NFKBID: variants seen among roughly 807,000 people sequenced by gnomAD.
NFKBID encodes the protein NFKB inhibitor delta.
NFKBID carries 26 observed loss-of-function variants against 53.4 expected under a neutral mutation model. The ratio of observed to expected loss-of-function variants is 0.49; its 90% CI spans 0.36 to 0.68. The LOEUF (loss-of-function observed/expected upper bound fraction) is 0.68. NFKBID is among the 30% of genes least tolerant of loss of function. NFKBID has a pLI of 0.00. For missense variants in NFKBID, 493 were observed against 614.1 expected (o/e 0.80, Z 2.08); for synonymous variants, 262 against 259.8 (o/e 1.01, Z -0.08).
chr19:35,897,008 G>A (rs754388655), exon 5 of NFKBID: 35 of 1,606,214 alleles, frequency 2.2e-5, no homozygotes, highest in Middle Eastern at 3.3e-4. Flanking sequence ...GGACCACAGC[G>A]GGGAACTGTG....
chr19:35,898,800 G>A (rs1975372846), exon 2 of NFKBID: 2 of 1,535,998 alleles, frequency 1.3e-6, no homozygotes, highest in Non-Finnish European at 1.7e-6. Flanking sequence ...GCGTTGGGCA[G>A]TGGCTGCGCT....
chr19:35,889,320 C>A (rs1974592323), intron 11 of NFKBID, among the ~76,000 whole-genome samples: 1 of 152,084 alleles, frequency 6.6e-6, no homozygotes, highest in Non-Finnish European at 1.5e-5. Context: ...CATGCCACTG[C>A]ACTCCAGCCT....
intron 9 of NFKBID, among the ~76,000 whole-genome samples, chr19:35,892,682 A>C (rs183927743): frequency 6.6e-6 from 1 of 152,168 alleles, no homozygotes; most frequent in Non-Finnish European, 1.5e-5. Context: ...CCTCAGAATG[A>C]CCTTCATTGT....
chr19:35,888,695 TAGAGA>T, intron 11 of NFKBID, 83 bp from the exon 12 acceptor site: 1 of 1,037,900 alleles, frequency 9.6e-7, no homozygotes, highest in Middle Eastern at 2.2e-4. Context: ...AGGGAGGGGC[TAGAGA>T]AGAGAGGTTG....
At chr19:35,900,024 A>T (rs1975461416) in intron 1 of NFKBID, among the ~76,000 whole-genome samples, 1 of 101,760 alleles carries the variant, frequency 9.8e-6, no homozygotes, top group Non-Finnish European at 1.9e-5. Context: ...CCCTGAGGCC[A>T]GGCTCCGGAC....
At chr19:35,895,026 A>G (rs7251879) in intron 9 of NFKBID, among the ~76,000 whole-genome samples, 26,156 of 151,970 alleles carry the variant, frequency 0.17, 4,980 homozygotes, top group African/African-American at 0.48. Context: ...TTGATTTCCC[A>G]TGCCTGTTTC....
chr19:35,891,452 T>A (rs1974754025), intron 9 of NFKBID, among the ~76,000 whole-genome samples: 1 of 152,226 alleles, frequency 6.6e-6, no homozygotes, highest in Non-Finnish European at 1.5e-5. Flanking sequence ...ATCTTGATTT[T>A]TTTTAATGAA....
rs1975132585 is a variant in NFKBID, at chr19:35,896,189, C to A, written c.883+29G>T. 6.2e-6 allele frequency: 10 copies of A among 1,614,012 alleles called. No individual in the cohort carries two copies. The highest frequency in any genetic ancestry group is 1.3e-5 in the African/African-American group (1 of 74,944). ...ACCCACCTCGCCCAGCCACACCAAC[C>A]ACACCAGCCCTGCCCACACCCAACT... On this transcript the variant is annotated intron_variant, in intron 8 of 11. Transcript: ENST00000641389. This position sits in a 1 kb window ranked among gnomAD's most constrained non-coding sequence, Gnocchi z 5.7.
At chr19:35,891,296 G>A (rs532300601) in intron 9 of NFKBID, among the ~76,000 whole-genome samples, 42 of 152,258 alleles carry the variant, frequency 2.8e-4, no homozygotes, top group Middle Eastern at 3.4e-3. Flanking sequence ...AGTTTGTAAC[G>A]ATAATGAATG....
Position 35,889,356 on chromosome 19 carries a change from AAAAT to A in NFKBID, c.1314+530_1314+533del, listed in dbSNP as rs570866977. ...AGGCAACAGAGCAAGACGCTGCCTC[AAAAT>A]AAATAAATAAACAAACAAACAAATA... On this transcript the variant is annotated intron_variant, in intron 11 of 11. Coordinates refer to ENST00000641389, the Ensembl canonical transcript of NFKBID. 3.6e-4 allele frequency among the ~76,000 whole-genome samples: 55 copies of A among 152,276 alleles called. No individual in the cohort carries two copies. The South Asian group carries it at 5.2e-3, about 14-fold the overall frequency.
In NFKBID at chr19:35,897,805, C is replaced by T. The variant is rs750628856; in HGVS notation, c.278G>A (p.Ser93Asn). The T allele has an allele frequency of 6.3e-6, 10 of 1,591,640 alleles. No individual in the cohort carries two copies. In the African/African-American group the frequency reaches 1.3e-4, roughly 21 times the overall value. The stretch of plus-strand genomic sequence containing the variant: ...GGGGTCCCAGTCTGGAAAGCCCAGG[C>T]TGCTAGGTCCAGAACCCACAGTCTC... Residue 93 changes from serine (S) to asparagine (N), a missense_variant, in exon 4 of 12, where the codon AGC becomes AAC. Physicochemically the swap from Ser to Asn is conservative, Grantham distance 46. This residue lies in a region of NFKBID where 226 missense variants were observed against 229.5 expected (regional missense o/e 0.98). Transcript: ENST00000641389.
chr19:35,898,996 A>C (rs1005375912), intron 1 of NFKBID, among the ~76,000 whole-genome samples, 174 bp from the exon 2 acceptor site: 2 of 152,282 alleles, frequency 1.3e-5, no homozygotes, highest in South Asian at 4.1e-4. Flanking sequence ...GGGGTGGGGC[A>C]TCCGCCTCCG....
chr19:35,897,873 G>T lies in NFKBID; in HGVS notation c.227-17C>A. On this transcript the variant is annotated splice_polypyrimidine_tract_variant and intron_variant, in intron 3 of 11. Coordinates refer to ENST00000641389, the Ensembl canonical transcript of NFKBID. The stretch of plus-strand genomic sequence containing the variant: ...GAGGGTGGCCTGCGTGTAAGAGGAG[G>T]GGCAGGGGCAGGTCTGGTTACCAGA... 6.6e-7 allele frequency: 1 copy of T among 1,515,242 alleles called. No individual in the cohort carries two copies. Among genetic ancestry groups the T allele is most frequent in the Non-Finnish European group, 8.9e-7 (1 of 1,127,726 alleles). The allele number at this position is 1,515,242 out of a possible 1,614,324, so 93.9% of individuals were successfully genotyped here. A position where few individuals can be genotyped will look rare whatever the true frequency, so the allele number is the denominator to read the frequency against.
At chr19:35,892,717 A>G (rs1053906535) in intron 9 of NFKBID, among the ~76,000 whole-genome samples, 1 of 152,104 alleles carries the variant, frequency 6.6e-6, no homozygotes, top group Admixed American at 6.6e-5. Context: ...ATATAAAGCC[A>G]ATCTTTTTAT....
chr19:35,897,588 G>A (rs1198244562), intron 4 of NFKBID, 63 bp downstream of exon 4: 9 of 820,042 alleles, frequency 1.1e-5, no homozygotes, highest in Non-Finnish European at 1.7e-5. Context: ...TCAGAATACT[G>A]CAGGAGTGCA....
intron 11 of NFKBID, among the ~76,000 whole-genome samples, chr19:35,889,296 C>T (rs111868101): frequency 2.6e-5 from 4 of 152,076 alleles, no homozygotes; most frequent in African/African-American, 7.2e-5. Context: ...CTCGAGGCTG[C>T]AGTGAGCTAT....
intron 1 of NFKBID, among the ~76,000 whole-genome samples, chr19:35,899,137 CAG>C (rs1168063944): frequency 1.3e-5 from 2 of 152,194 alleles, no homozygotes; most frequent in African/African-American, 4.8e-5. Flanking sequence ...ATTCCACCCC[CAG>C]ATATCCAAGT....
At chr19:35,891,588 G>A (rs888051584) in intron 9 of NFKBID, among the ~76,000 whole-genome samples, 7 of 151,550 alleles carry the variant, frequency 4.6e-5, no homozygotes, top group African/African-American at 1.2e-4. Flanking sequence ...CTTTTTTTTC[G>A]AAGGGCACAG....
chr19:35,897,170 C>T, intron 4 of NFKBID, 112 bp from the exon 5 acceptor site: 4 of 1,141,342 alleles, frequency 3.5e-6, no homozygotes, highest in Non-Finnish European at 4.9e-6. Flanking sequence ...CCACCACACA[C>T]ACATCTGCAT....
Sources: allele counts gnomAD v4.1 joint callset (sites outside exome capture counted in the v4.1 genomes callset), GRCh38; gene constraint gnomAD v4.1.1; regional missense constraint gnomAD v4.1.1; non-coding constraint Gnocchi (gnomAD v3.1); transcripts MANE v1.5; gene names NCBI Gene and HGNC (gene_info 2026-07-23, HGNC 2026-07-21).